XKR6: variants seen among roughly 807,000 people sequenced by gnomAD.
The protein encoded by XKR6 is XK-related protein 6.
In XKR6, 22 loss-of-function variants were observed where a neutral mutation model predicts 56.7. The observed-to-expected ratio is 0.39, with a 90% CI of 0.28 to 0.55. The LOEUF (loss-of-function observed/expected upper bound fraction) is 0.55. Among genes scored for constraint, XKR6 ranks in the 20% least tolerant of loss-of-function variants. The probability of loss-of-function intolerance (pLI) is 0.66; values close to 1 mark genes in which losing one functional copy is unlikely to be tolerated. For missense variants in XKR6, 852 were observed against 889.0 expected (o/e 0.96, Z 0.53); for synonymous variants, 524 against 387.8 (o/e 1.35, Z -4.13).
At chr8:11,086,150 T>TATATATATATATATATATATA (rs1439777662) in intron 1 of XKR6, among the ~76,000 whole-genome samples, 187 of 112,682 alleles carry the variant, frequency 1.7e-3, no homozygotes, top group African/African-American at 8.1e-3. Context: ...ATATATATAT[T>TATATATATATATATATATATA]TTTTTTTAAA....
intron 1 of XKR6, among the ~76,000 whole-genome samples, chr8:11,022,406 T>C (rs940225075): frequency 6.6e-6 from 1 of 152,168 alleles, no homozygotes; most frequent in Non-Finnish European, 1.5e-5. Context: ...ACTCTCTTGC[T>C]GTTCAAACAT....
chr8:10,990,286 T>C (rs1797959188), intron 1 of XKR6, among the ~76,000 whole-genome samples: 2 of 152,214 alleles, frequency 1.3e-5, no homozygotes, highest in Admixed American at 6.5e-5. Context: ...GGTCTTACTG[T>C]TACTCTTAGA....
chr8:10,991,333 G>C (rs748166997), intron 1 of XKR6, among the ~76,000 whole-genome samples: 4 of 152,178 alleles, frequency 2.6e-5, no homozygotes, highest in Non-Finnish European at 5.9e-5. Context: ...ACTCAGCCCA[G>C]TTCTCAGCGT....
At chr8:11,169,100 T>C (rs977617805) in intron 1 of XKR6, among the ~76,000 whole-genome samples, 2 of 152,190 alleles carry the variant, frequency 1.3e-5, no homozygotes, top group African/African-American at 4.8e-5. Flanking sequence ...CTGAGTAGGC[T>C]TTCTCCAAGA....
At chr8:11,012,951 T>C (rs550908069) in intron 1 of XKR6, among the ~76,000 whole-genome samples, 1 of 152,330 alleles carries the variant, frequency 6.6e-6, no homozygotes, top group East Asian at 1.9e-4. Flanking sequence ...CAAGTTGTAG[T>C]ATCTTGGCAT....
chr8:11,066,821 C>G (rs1156801936), intron 1 of XKR6: 1 of 152,234 alleles, frequency 6.6e-6, no homozygotes, highest in Non-Finnish European at 1.5e-5. Flanking sequence ...CCACCTGCAA[C>G]AGGCTGGGGG....
chr8:11,105,583 G>A (rs528387194), intron 1 of XKR6: 1 of 152,212 alleles, frequency 6.6e-6, no homozygotes, highest in Non-Finnish European at 1.5e-5. Context: ...AAAAGTTGCA[G>A]AACACTGATT....
intron 1 of XKR6, among the ~76,000 whole-genome samples, chr8:11,056,448 A>T (rs1799687395): frequency 6.6e-6 from 1 of 152,158 alleles, no homozygotes; most frequent in African/African-American, 2.4e-5. Flanking sequence ...GTTCACCCGG[A>T]AAGTGTCAAA....
intron 2 of XKR6, among the ~76,000 whole-genome samples, chr8:10,917,506 G>C (rs867835767): frequency 6.6e-6 from 1 of 152,234 alleles, no homozygotes; most frequent in Non-Finnish European, 1.5e-5. Flanking sequence ...CCTTGAGCAG[G>C]AATGGTCTAC....
Position 10,898,303 on chromosome 8 carries a change from A to C in XKR6, c.1575T>G (p.Asp525Glu), listed in dbSNP as rs558219598. Reference sequence around the variant, plus strand: ...GGATCTCAGGCGCCATGGGCTCAACATCGGGGGGCAAAGGGATGCCCCAGA... The same window carrying C: ...GGATCTCAGGCGCCATGGGCTCAACCTCGGGGGGCAAAGGGATGCCCCAGA... ...ELLWGIPLPP[D>E]VEPMAPEIPG... The change falls in exon 3 of 3, where the codon GAT (aspartate) becomes GAG (glutamate). Residue 525 changes from aspartate (D) to glutamate (E), a missense_variant. By Grantham distance (45) the Asp-to-Glu change is conservative (BLOSUM62 2). This residue lies in a region of XKR6 where 197 missense variants were observed against 190.9 expected (regional missense o/e 1.03). Coordinates refer to ENST00000416569, the MANE Select transcript of XKR6 (RefSeq NM_173683.4). The surrounding 1 kb of genome is among the most constrained non-coding windows in gnomAD (Gnocchi z 6.6). 1 of 1,614,062 alleles carries C rather than the reference A, an allele frequency of 6.2e-7. No individual in the cohort carries two copies. The highest frequency in any genetic ancestry group is 1.3e-5 in the African/African-American group (1 of 75,040).
intron 1 of XKR6, among the ~76,000 whole-genome samples, chr8:11,075,702 G>A (rs568794132): frequency 1.0e-3 from 159 of 152,170 alleles, no homozygotes; most frequent in Middle Eastern, 6.8e-3. Flanking sequence ...GGCTAACCCC[G>A]CCTCTACTAA....
chr8:10,961,669 G>A (rs1291360136), intron 1 of XKR6, among the ~76,000 whole-genome samples: 2 of 152,238 alleles, frequency 1.3e-5, no homozygotes, highest in Non-Finnish European at 2.9e-5. Flanking sequence ...CACTGTGCAC[G>A]GTCTGAGAGG....
At chr8:11,124,223 G>A (rs1245315548) in intron 1 of XKR6, 1 of 348,006 alleles carries the variant, frequency 2.9e-6, no homozygotes, top group Admixed American at 3.8e-5. Context: ...CTATTATCAA[G>A]CATATTCATC....
At chr8:11,024,768 A>G (rs1021074209) in intron 1 of XKR6, among the ~76,000 whole-genome samples, 1 of 152,238 alleles carries the variant, frequency 6.6e-6, no homozygotes, top group East Asian at 1.9e-4. Flanking sequence ...AGAATCTAGA[A>G]CTGATCCCTC....
Position 10,898,264 on chromosome 8 carries a change from C to T in XKR6, c.1614G>A (p.Gly538=). Residue 538 remains glycine (G), a synonymous_variant, in exon 3 of 3, where the codon GGG becomes GGA. Transcript: ENST00000416569. The surrounding 1 kb of genome is among the most constrained non-coding windows in gnomAD (Gnocchi z 6.6). ...CGGCTCTGGTGGGCGTAACCTGGGT[C>T]CCCCGGTACCCAGGGATCTCAGGCG... is the stretch of plus-strand genomic sequence containing the variant. ...PMAPEIPGYR[G]TQVTPTRAVT... is the part of the protein sequence containing the mutation. 1 of 1,614,014 alleles carries T rather than the reference C, an allele frequency of 6.2e-7. No individual in the cohort carries two copies. The highest frequency in any genetic ancestry group is 8.5e-7 in the Non-Finnish European group (1 of 1,179,996).
intron 1 of XKR6, among the ~76,000 whole-genome samples, chr8:11,015,466 C>G (rs914680763): frequency 6.6e-6 from 1 of 152,116 alleles, no homozygotes; most frequent in Non-Finnish European, 1.5e-5. Context: ...CCCACATCTG[C>G]TAGAAACCAC....
intron 2 of XKR6, among the ~76,000 whole-genome samples, chr8:10,899,589 A>C (rs559806281): frequency 6.6e-6 from 1 of 152,164 alleles, no homozygotes; most frequent in South Asian, 2.1e-4. Context: ...GCCTCTCCAC[A>C]ATCCCTGTTG....
intron 1 of XKR6, among the ~76,000 whole-genome samples, chr8:11,097,196 C>G (rs1314642581): frequency 3.9e-5 from 6 of 152,220 alleles, no homozygotes; most frequent in Non-Finnish European, 2.9e-5. Flanking sequence ...TGGTCCCACT[C>G]ATAAGCCCTC....
chr8:10,907,320 A>G (rs187324299), intron 2 of XKR6, among the ~76,000 whole-genome samples: 60 of 152,304 alleles, frequency 3.9e-4, no homozygotes, highest in Non-Finnish European at 4.4e-5. Flanking sequence ...AGGTCTTACC[A>G]TGGTTTCTAT....
Sources: gnomAD v4.1 joint callset for allele counts (sites outside exome capture counted in the v4.1 genomes callset) on GRCh38, gnomAD v4.1.1 for gene constraint, gnomAD v4.1.1 regional missense constraint, Gnocchi (gnomAD v3.1) non-coding constraint, MANE v1.5 for transcripts, NCBI Gene and HGNC (gene_info 2026-07-23, HGNC 2026-07-21) for gene names.